Variants in PIK3R1 observed in about 807,000 individuals in gnomAD.
The protein encoded by PIK3R1 is phosphoinositide-3-kinase regulatory subunit 1, also known as phosphatidylinositol 3-kinase regulatory subunit alpha.
A neutral mutation model predicts 98.0 loss-of-function variants in PIK3R1; 29 were observed. The ratio of observed to expected loss-of-function variants is 0.30; its 90% confidence interval spans 0.22 to 0.40. The LOEUF is 0.40. Among genes scored for constraint, PIK3R1 ranks in the 10% least tolerant of loss-of-function variants. The pLI is 1.00. For synonymous variants in PIK3R1, 282 were observed against 311.8 expected (o/e 0.90, Z 1.01); for missense variants, 596 against 872.7 (o/e 0.68, Z 3.99).
At chr5:68,282,365 G>T (rs768597219) in intron 7 of PIK3R1, among the ~76,000 whole-genome samples, 1 of 152,104 alleles carries the variant, frequency 6.6e-6, no homozygotes, top group African/African-American at 2.4e-5. Context: ...TTAAGTTGAG[G>T]TTTATGTTAG....
At chr5:68,256,816 C>T (rs1180772055) in intron 2 of PIK3R1, among the ~76,000 whole-genome samples, 3 of 152,114 alleles carry the variant, frequency 2.0e-5, no homozygotes, top group African/African-American at 7.2e-5. Flanking sequence ...GACAAGCCTC[C>T]TATTTTTCAG....
At chr5:68,295,937 G>A (rs1747688515) in intron 14 of PIK3R1, among the ~76,000 whole-genome samples, 1 of 152,200 alleles carries the variant, frequency 6.6e-6, no homozygotes, top group African/African-American at 2.4e-5. Flanking sequence ...GTGGTTGCTT[G>A]AAAACAGAAA....
At chr5:68,248,469 A>G (rs1229972993) in intron 2 of PIK3R1, among the ~76,000 whole-genome samples, 2 of 152,214 alleles carry the variant, frequency 1.3e-5, no homozygotes, top group African/African-American at 4.8e-5. Flanking sequence ...GAAAATTAAG[A>G]TTACCAAAGA....
rs1746777112 is a variant in PIK3R1 at position 68,280,352 on chromosome 5, T to C, written c.635-176T>C. On this transcript the variant is annotated intron_variant, in intron 5 of 15. Transcript: ENST00000521381. ...TTCCATTTGACCTGAGATTTCTACT[T>C]TCTCATAATGCGTTTTCTAATGAGA... is the stretch of plus-strand genomic sequence containing the variant. 6.6e-6 allele frequency: 4 copies of C among 610,458 alleles called. No individual in the cohort carries two copies. The Admixed American group carries it at 8.7e-5, about 13-fold the overall frequency. The allele number at this position is 610,458 out of a possible 1,614,324, so 37.8% of individuals were successfully genotyped here.
intron 2 of PIK3R1, among the ~76,000 whole-genome samples, chr5:68,262,731 A>G (rs1745861074): frequency 7.2e-6 from 1 of 138,348 alleles, no homozygotes; most frequent in South Asian, 2.3e-4. Flanking sequence ...ATACATATAT[A>G]CATGTAGATG....
intron 2 of PIK3R1, among the ~76,000 whole-genome samples, chr5:68,263,338 T>G (rs1486252597): frequency 6.6e-6 from 1 of 151,118 alleles, no homozygotes; most frequent in Non-Finnish European, 1.5e-5. Context: ...AGTGCATTGG[T>G]TTGGCACAAA....
Position 68,295,220 on chromosome 5 carries a change from A to G in PIK3R1, c.1641A>G (p.Glu547=). 1 of 1,613,974 alleles carries G rather than the reference A, an allele frequency of 6.2e-7. No individual in the cohort carries two copies. The highest frequency in any genetic ancestry group is 8.5e-7 in the Non-Finnish European group (1 of 1,179,840). Residue 547 remains glutamate (E), a synonymous_variant, in exon 13 of 16, where the codon GAA becomes GAG. Coordinates refer to ENST00000521381, the MANE Select transcript of PIK3R1 (RefSeq NM_181523.3). ...TTGACAGTAGAAGAAGATTGGAAGA[A>G]GACTTGAAGAAGCAGGCAGCTGAGT... ...EIIDSRRRLE[E]DLKKQAAEYR... is the part of the protein sequence containing the mutation.
At chr5:68,220,809 AT>A (rs1387423638) in intron 1 of PIK3R1, among the ~76,000 whole-genome samples, 1 of 152,120 alleles carries the variant, frequency 6.6e-6, no homozygotes, top group Non-Finnish European at 1.5e-5. Flanking sequence ...TCAGCCCATT[AT>A]TTTCATTTTA....
chr5:68,231,734 G>A (rs112507294), intron 2 of PIK3R1, among the ~76,000 whole-genome samples: 7 of 152,172 alleles, frequency 4.6e-5, no homozygotes, highest in African/African-American at 1.2e-4. Context: ...CTGCCTTTAC[G>A]AATTCTGTTT....
At chr5:68,274,927 G>A (rs1746509428) in intron 4 of PIK3R1, among the ~76,000 whole-genome samples, 1 of 152,214 alleles carries the variant, frequency 6.6e-6, no homozygotes, top group South Asian at 2.1e-4. Flanking sequence ...CAAAAAGAGT[G>A]AAACTCAGTT....
chr5:68,227,409 G>A (rs1044522106), intron 2 of PIK3R1, among the ~76,000 whole-genome samples: 7 of 152,114 alleles, frequency 4.6e-5, no homozygotes, highest in African/African-American at 1.2e-4. Flanking sequence ...ATTCTCATTA[G>A]AGCATTCCAG....
At chr5:68,234,025 C>T (rs1241883895) in intron 2 of PIK3R1, among the ~76,000 whole-genome samples, 1 of 152,110 alleles carries the variant, frequency 6.6e-6, no homozygotes, top group Non-Finnish European at 1.5e-5. Flanking sequence ...TTTATTACAG[C>T]GTATTGCAGG....
chr5:68,237,988 A>G (rs1294115302), intron 2 of PIK3R1, among the ~76,000 whole-genome samples: 1 of 152,158 alleles, frequency 6.6e-6, no homozygotes. Flanking sequence ...AAATAACCAG[A>G]GAGAGCTGGA....
rs1399659739 is a variant in PIK3R1 at position 68,298,583 on chromosome 5, A to T, written c.*982A>T. 4.3e-6 allele frequency: 1 copy of T among 232,608 alleles called. No individual in the cohort carries two copies. Among genetic ancestry groups the T allele is most frequent in the Non-Finnish European group, 8.5e-6 (1 of 117,648 alleles). 14.4% of individuals were successfully genotyped at this position (232,608 alleles called of 1,614,324 possible). A position where few individuals can be genotyped will look rare whatever the true frequency, so the allele number is the denominator to read the frequency against. On this transcript the variant is annotated 3_prime_UTR_variant, in exon 16 of 16. Coordinates refer to ENST00000521381, the MANE Select transcript of PIK3R1 (RefSeq NM_181523.3). ...TACAGGATGCCAGTAAAAAAAAAAA[A>T]TGGCTTCAGAATTAAAACTATGAAA...
chr5:68,227,110 C>G, intron 2 of PIK3R1, 101 bp downstream of exon 2: 1 of 992,562 alleles, frequency 1.0e-6, no homozygotes, highest in East Asian at 2.6e-5. Context: ...GCAGAAGTTA[C>G]CTTGGCAACT....
chr5:68,280,737 A>G lies in PIK3R1; in HGVS notation c.836+8A>G, dbSNP rs1746799191. On this transcript the variant is annotated splice_region_variant and intron_variant, in intron 6 of 15. Coordinates refer to ENST00000521381, the MANE Select transcript of PIK3R1 (RefSeq NM_181523.3). ...CAGATTCTCAGCAGCCAGGTAAGTG[A>G]AAGGAGACAAACATGTATTTTGGGG... The G allele has an allele frequency of 6.2e-7, 1 of 1,611,988 alleles. No homozygotes were observed. The highest frequency in any genetic ancestry group is 8.5e-7 in the Non-Finnish European group (1 of 1,178,156).
chr5:68,245,326 AAAAT>A (rs761867489), intron 2 of PIK3R1, among the ~76,000 whole-genome samples: 56 of 152,286 alleles, frequency 3.7e-4, no homozygotes, highest in African/African-American at 5.1e-4. Flanking sequence ...TTTTTAAAAA[AAAAT>A]AGTTGAGTTT....
intron 2 of PIK3R1, among the ~76,000 whole-genome samples, chr5:68,263,003 ACATATATACATG>A (rs1745930417): frequency 1.3e-5 from 1 of 74,256 alleles, no homozygotes; most frequent in African/African-American, 5.9e-5. Flanking sequence ...ATACATGTAT[ACATATATACATG>A]TAGATACATG....
intron 1 of PIK3R1, among the ~76,000 whole-genome samples, chr5:68,221,430 T>G (rs993525059): frequency 1.5e-4 from 23 of 152,362 alleles, no homozygotes; most frequent in African/African-American, 5.5e-4. Flanking sequence ...TAGAGAGATA[T>G]GGGCTGTGGG....
Sources: allele counts gnomAD v4.1 joint callset (sites outside exome capture counted in the v4.1 genomes callset), GRCh38; gene constraint gnomAD v4.1.1; transcripts MANE v1.5; gene names NCBI Gene and HGNC (gene_info 2026-07-23, HGNC 2026-07-21).